The following DLGAP2 variants were observed in gnomAD, a reference collection of about 807,000 sequenced individuals.
DLGAP2 encodes the protein disks large-associated protein 2.
A neutral mutation model predicts 100.3 loss-of-function variants in DLGAP2; 26 were observed. The ratio of observed to expected loss-of-function variants is 0.26; its 90% CI spans 0.19 to 0.36. The LOEUF (loss-of-function observed/expected upper bound fraction) is 0.36. Among genes scored for constraint, DLGAP2 ranks in the 10% least tolerant of loss-of-function variants. The pLI is 1.00. For missense variants in DLGAP2, 1,858 were observed against 1,453.2 expected, an observed-to-expected ratio of 1.28 and a Z score of -4.53; for synonymous variants, 886 against 630.1, an observed-to-expected ratio of 1.41 and a Z score of -6.08.
At chr8:986,662 A>ATT (rs3042253) in intron 2 of DLGAP2, among the ~76,000 whole-genome samples, 76,965 of 144,274 alleles carry the variant, frequency 0.53, 21,584 homozygotes, top group African/African-American at 0.72. Flanking sequence ...ACTGTATTTG[A>ATT]TTTTTTTTTT....
At chr8:1,479,706 A>G (rs1799035955) in intron 3 of DLGAP2, among the ~76,000 whole-genome samples, 1 of 152,138 alleles carries the variant, frequency 6.6e-6, no homozygotes, top group Non-Finnish European at 1.5e-5. Flanking sequence ...CGTAAGATGA[A>G]GAAAATAGTT....
intron 3 of DLGAP2, among the ~76,000 whole-genome samples, chr8:1,470,829 C>T: frequency 1.5e-5 from 1 of 66,020 alleles, no homozygotes; most frequent in Non-Finnish European, 3.6e-5. Flanking sequence ...CCAGCCTTTC[C>T]CGACCCCTCC....
rs1798985976 is a variant in DLGAP2, at chr8:1,682,706, T to C, written c.2704+4077T>C. Among the ~76,000 whole-genome samples, 2 of 151,498 alleles carry C rather than the reference T, an allele frequency of 1.3e-5. 1 individual carries two copies. Reference sequence around the variant, plus strand: ...CCAGGATAATCGTGAACTCCTGGCCTCAAGTGATCTGCCCCCCTTGCCCTT... The same window carrying C: ...CCAGGATAATCGTGAACTCCTGGCCCCAAGTGATCTGCCCCCCTTGCCCTT... On this transcript the variant is annotated intron_variant, in intron 12 of 14. Coordinates refer to ENST00000637795, the MANE Select transcript of DLGAP2 (RefSeq NM_001346810.2).
Position 1,464,331 on chromosome 8 carries a change from C to CAGCTCTCTTCCA in DLGAP2, c.107-37035_107-37034insAGCTCTCTTCCA, listed in dbSNP as rs1563164912. Among the ~76,000 whole-genome samples the CAGCTCTCTTCCA allele has an allele frequency of 8.7e-5, 7 of 80,586 alleles. 1 individual carries two copies. The highest frequency in any genetic ancestry group is 3.4e-4 in the African/African-American group (7 of 20,696). The allele number at this position is 80,586 out of a possible 152,430, so 52.9% of individuals were successfully genotyped here. ...CTTCCAGGACAACGCCCTTCCAGGA[C>CAGCTCTCTTCCA]GGCACCCTTCCAGGACGGCACCCTT... On this transcript the variant is annotated intron_variant, in intron 3 of 14. Transcript: ENST00000637795.
chr8:772,424 G>C, intron 1 of DLGAP2, among the ~76,000 whole-genome samples: 1 of 152,136 alleles, frequency 6.6e-6, no homozygotes, highest in Non-Finnish European at 1.5e-5. Context: ...CCAGGTTCAA[G>C]TGATGCCCCA....
intron 3 of DLGAP2, among the ~76,000 whole-genome samples, chr8:1,472,279 G>A (rs1026177160): frequency 6.6e-6 from 1 of 152,232 alleles, no homozygotes; most frequent in Non-Finnish European, 1.5e-5. Flanking sequence ...ACCAGATGCA[G>A]GGCCGGAGCA....
chr8:1,414,803 G>A (rs930634482), intron 3 of DLGAP2, among the ~76,000 whole-genome samples: 3 of 152,190 alleles, frequency 2.0e-5, no homozygotes, highest in Non-Finnish European at 4.4e-5. Flanking sequence ...GAGGTCAGGA[G>A]TTTGAGACCA....
At chr8:1,202,133 T>G (rs111072063) in intron 2 of DLGAP2, among the ~76,000 whole-genome samples, 26,608 of 145,872 alleles carry the variant, frequency 0.18, 2,500 homozygotes, top group Admixed American at 0.22. Context: ...GTGTGTCTGT[T>G]GTGTGTGTAT....
intron 2 of DLGAP2, among the ~76,000 whole-genome samples, chr8:979,151 G>T (rs1206258957): frequency 2.6e-5 from 4 of 152,176 alleles, no homozygotes; most frequent in African/African-American, 9.7e-5. Flanking sequence ...GCTCAACATT[G>T]TTAAGATTCT....
chr8:1,043,698 G>A (rs1193249292), intron 2 of DLGAP2, among the ~76,000 whole-genome samples: 1 of 152,088 alleles, frequency 6.6e-6, no homozygotes, highest in African/African-American at 2.4e-5. Flanking sequence ...TGGACCAGGT[G>A]TGAAGGGAAG....
intron 1 of DLGAP2, among the ~76,000 whole-genome samples, chr8:790,248 G>A (rs192272640): frequency 6.6e-6 from 1 of 152,152 alleles, no homozygotes. Context: ...GTAGAGGCTG[G>A]ACAAGCACCA....
intron 3 of DLGAP2, among the ~76,000 whole-genome samples, chr8:1,317,532 CG>C (rs1563079359): frequency 2.5e-4 from 34 of 134,138 alleles, no homozygotes; most frequent in Middle Eastern, 4.1e-3. Context: ...AGAGGCTGTG[CG>C]AGTGCAGCGT....
intron 3 of DLGAP2, among the ~76,000 whole-genome samples, chr8:1,464,795 A>G (rs1299056889): frequency 1.3e-5 from 2 of 152,242 alleles, no homozygotes; most frequent in African/African-American, 2.4e-5. Context: ...ACCGGGACGT[A>G]GAGAGGCCAT....
At chr8:1,250,941 A>G (rs957353638) in intron 2 of DLGAP2, among the ~76,000 whole-genome samples, 12 of 152,224 alleles carry the variant, frequency 7.9e-5, no homozygotes, top group Admixed American at 6.5e-5. Context: ...AAGGGATGCA[A>G]GCACAGTTGT....
At chr8:1,143,944 C>T (rs963791601) in intron 2 of DLGAP2, among the ~76,000 whole-genome samples, 1 of 152,202 alleles carries the variant, frequency 6.6e-6, no homozygotes, top group East Asian at 1.9e-4. Flanking sequence ...ATTTGAATGG[C>T]ATAACAGATA....
intron 4 of DLGAP2, among the ~76,000 whole-genome samples, chr8:1,530,449 A>G (rs916340980): frequency 6.6e-6 from 1 of 152,128 alleles, no homozygotes; most frequent in African/African-American, 2.4e-5. Flanking sequence ...GGGTGCCCAC[A>G]TTTCATATTG....
chr8:1,084,539 T>C (rs1419254130), intron 2 of DLGAP2, among the ~76,000 whole-genome samples: 1 of 152,108 alleles, frequency 6.6e-6, no homozygotes, highest in African/African-American at 2.4e-5. Flanking sequence ...CCTCCCCACA[T>C]CCCCCAGCCT....
chr8:1,162,770 G>A (rs1235616629), intron 2 of DLGAP2, among the ~76,000 whole-genome samples: 1 of 152,122 alleles, frequency 6.6e-6, no homozygotes, highest in African/African-American at 2.4e-5. Context: ...TCTGTACTGT[G>A]TCTGTTGTCT....
At chr8:750,480 T>G (rs1820762971) in intron 1 of DLGAP2, among the ~76,000 whole-genome samples, 1 of 152,184 alleles carries the variant, frequency 6.6e-6, no homozygotes, top group African/African-American at 2.4e-5. Flanking sequence ...CCTGAGTGCA[T>G]AAAAATTGAC....
Sources: allele counts gnomAD v4.1 joint callset (sites outside exome capture counted in the v4.1 genomes callset), GRCh38; gene constraint gnomAD v4.1.1; transcripts MANE v1.5; gene names NCBI Gene and HGNC (gene_info 2026-07-23, HGNC 2026-07-21).